The following ADARB2 variants were observed in gnomAD, a reference collection of about 807,000 sequenced individuals.
ADARB2 encodes the protein adenosine deaminase RNA specific B2 (inactive).
ADARB2 carries 25 observed loss-of-function variants against 62.2 expected under a neutral mutation model. That is an observed-to-expected ratio of 0.40 (90% CI 0.29 to 0.56). The LOEUF (loss-of-function observed/expected upper bound fraction) is 0.56, where lower values mean the gene tolerates loss of function less well. ADARB2 is among the 20% of genes least tolerant of loss of function. ADARB2 has a pLI of 0.43. For synonymous variants in ADARB2, 572 were observed against 500.8 expected, an observed-to-expected ratio of 1.14 and a Z score of -1.90; for missense variants, 1,071 against 1,077.4, an observed-to-expected ratio of 0.99 and a Z score of 0.08.
At chr10:1,188,600 T>C (rs1296013694) in intron 8 of ADARB2, among the ~76,000 whole-genome samples, 4 of 138,696 alleles carry the variant, frequency 2.9e-5, no homozygotes, top group Admixed American at 8.0e-5. Context: ...TTTTTTTTTT[T>C]CTTCTACCTT....
chr10:1,570,940 G>A (rs1832926034), intron 1 of ADARB2, among the ~76,000 whole-genome samples: 1 of 152,120 alleles, frequency 6.6e-6, no homozygotes, highest in African/African-American at 2.4e-5. Flanking sequence ...GCACAGTCTG[G>A]CCAATGGGGA....
rs35834200 is a variant in ADARB2 at position 1,601,136 on chromosome 10, G to A, written c.100+135915C>T. On this transcript the variant is annotated intron_variant, in intron 1 of 9. Transcript: ENST00000381312. ...ACCGGCTGCTCAGAACAGAAAGCCA[G>A]TTTGCCTGTTCCCGTCCTCTTTGGA... is the stretch of plus-strand genomic sequence containing the variant. Among the ~76,000 whole-genome samples the A allele has an allele frequency of 8.9e-3, 1,355 of 152,320 alleles. 10 individuals carry two copies. The highest frequency in any genetic ancestry group is 0.015 in the South Asian group (71 of 4,826).
intron 8 of ADARB2, among the ~76,000 whole-genome samples, chr10:1,189,083 CCTCAAGGAGGTAA>C (rs1836803712): frequency 6.6e-6 from 1 of 150,908 alleles, no homozygotes; most frequent in Non-Finnish European, 1.5e-5. Flanking sequence ...CCTGAGTCAC[CCTCAAGGAGGTAA>C]CTCCCTGTCC....
chr10:1,661,064 G>A (rs1263407454), intron 1 of ADARB2, among the ~76,000 whole-genome samples: 2 of 152,024 alleles, frequency 1.3e-5, no homozygotes, highest in African/African-American at 2.4e-5. Context: ...GAAACATTCC[G>A]AGCCTGCGAT....
At position 1,652,581 on chromosome 10, in the gene ADARB2, G is replaced by A. The variant is rs139247023; in HGVS notation, c.100+84470C>T. ...GGTGTGCAAAAGAAAGTCATTGCTT[G>A]CTAGAATTGTTGCTATGATTTTTCC... is the stretch of plus-strand genomic sequence containing the variant. On this transcript the variant is annotated intron_variant, in intron 1 of 9. Coordinates refer to ENST00000381312, the MANE Select transcript of ADARB2 (RefSeq NM_018702.4). 3.4e-3 allele frequency among the ~76,000 whole-genome samples: 514 copies of A among 152,304 alleles called. 1 individual carries two copies. The highest frequency in any genetic ancestry group is 5.3e-3 in the Non-Finnish European group (359 of 68,026).
chr10:1,423,081 G>A (rs1832864703), intron 1 of ADARB2, among the ~76,000 whole-genome samples: 1 of 152,166 alleles, frequency 6.6e-6, no homozygotes, highest in Non-Finnish European at 1.5e-5. Context: ...ATCACTGAAG[G>A]GGACCCTTGG....
At chr10:1,552,632 T>G (rs1457345054) in intron 1 of ADARB2, among the ~76,000 whole-genome samples, 1 of 151,796 alleles carries the variant, frequency 6.6e-6, no homozygotes, top group Non-Finnish European at 1.5e-5. Flanking sequence ...GGCCTGGTCC[T>G]GCCCGGCACT....
At chr10:1,621,461 G>C (rs1444726136) in intron 1 of ADARB2, among the ~76,000 whole-genome samples, 1 of 150,880 alleles carries the variant, frequency 6.6e-6, no homozygotes, top group Non-Finnish European at 1.5e-5. Flanking sequence ...TGCCACTTGG[G>C]CTGGAGAGCA....
chr10:1,525,286 G>A (rs934395840), intron 1 of ADARB2, among the ~76,000 whole-genome samples: 1 of 152,148 alleles, frequency 6.6e-6, no homozygotes, highest in Admixed American at 6.5e-5. Flanking sequence ...CTGGAAATAA[G>A]CATAATCAAA....
intron 1 of ADARB2, among the ~76,000 whole-genome samples, chr10:1,514,154 T>A (rs1831975109): frequency 7.4e-6 from 1 of 134,654 alleles, no homozygotes; most frequent in African/African-American, 2.8e-5. Flanking sequence ...CAGAGTTGGG[T>A]GACAGTGTGA....
chr10:1,216,088 T>C (rs12761629), intron 7 of ADARB2: 119,745 of 150,930 alleles, frequency 0.79, 47,648 homozygotes, highest in African/African-American at 0.88. Context: ...CGGGGTCAGA[T>C]CGAGGACGGA....
chr10:1,205,905 G>C (rs1423713927), intron 7 of ADARB2, among the ~76,000 whole-genome samples: 2 of 107,992 alleles, frequency 1.9e-5, no homozygotes, highest in South Asian at 3.8e-4. Context: ...CAGCCCACTG[G>C]GGTCAGGTGG....
chr10:1,629,931 C>G (rs12253295), intron 1 of ADARB2, among the ~76,000 whole-genome samples: 55,960 of 151,712 alleles, frequency 0.37, 11,015 homozygotes, highest in African/African-American at 0.49. Flanking sequence ...AGGGAGGAAC[C>G]TGACAAAACC....
intron 1 of ADARB2, among the ~76,000 whole-genome samples, chr10:1,514,178 AATATAT>A (rs61671460): frequency 0.017 from 1,638 of 94,156 alleles, 164 homozygotes; most frequent in Non-Finnish European, 0.027. Flanking sequence ...GCTGTCTCAA[AATATAT>A]ATATATATAT....
chr10:1,339,401 C>G (rs1832002708), intron 3 of ADARB2, among the ~76,000 whole-genome samples: 1 of 152,232 alleles, frequency 6.6e-6, no homozygotes. Flanking sequence ...GGAGGAGTCA[C>G]TCAGAGCCTT....
chr10:1,183,831 A>T (rs553670781), intron 9 of ADARB2, among the ~76,000 whole-genome samples: 7 of 152,310 alleles, frequency 4.6e-5, no homozygotes, highest in Admixed American at 2.6e-4. Flanking sequence ...TGCAGCTCTG[A>T]TACCCCCACC....
intron 1 of ADARB2, among the ~76,000 whole-genome samples, chr10:1,582,766 G>GT (rs1250793869): frequency 1.6e-4 from 25 of 152,284 alleles, no homozygotes; most frequent in African/African-American, 5.5e-4. Context: ...TGAGTTCCAT[G>GT]TCACAGGGAA....
At chr10:1,732,331 T>A (rs1309187652) in intron 1 of ADARB2, among the ~76,000 whole-genome samples, 2 of 98,024 alleles carry the variant, frequency 2.0e-5, no homozygotes, top group Non-Finnish European at 2.3e-5. Flanking sequence ...AAAAAAAAAA[T>A]TTCCTTTTCT....
chr10:1,191,476 G>A (rs374491806), intron 8 of ADARB2, among the ~76,000 whole-genome samples: 4 of 152,022 alleles, frequency 2.6e-5, no homozygotes, highest in African/African-American at 7.3e-5. Context: ...GAGCAGGGTC[G>A]GGCCCCACGT....
Sources: allele counts gnomAD v4.1 joint callset (sites outside exome capture counted in the v4.1 genomes callset), GRCh38; gene constraint gnomAD v4.1.1; transcripts MANE v1.5; gene names NCBI Gene and HGNC (gene_info 2026-07-23, HGNC 2026-07-21).